The following CTNNA3 variants were observed in gnomAD, a reference collection of about 807,000 sequenced individuals.
CTNNA3 encodes catenin alpha-3.
A neutral mutation model predicts 95.7 loss-of-function variants in CTNNA3; 76 were observed. The observed-to-expected ratio is 0.79, with a 90% confidence interval of 0.66 to 0.96. The LOEUF is 0.96. Among genes scored for constraint, CTNNA3 ranks in the 40% least tolerant of loss-of-function variants. CTNNA3 has a pLI of 0.00. For synonymous variants in CTNNA3, 431 were observed against 374.4 expected, an observed-to-expected ratio of 1.15 and a Z score of -1.74; for missense variants, 1,191 against 1,089.8, an observed-to-expected ratio of 1.09 and a Z score of -1.31.
chr10:66,569,944 G>A (rs1842818442), intron 10 of CTNNA3, among the ~76,000 whole-genome samples: 1 of 152,104 alleles, frequency 6.6e-6, no homozygotes, highest in Non-Finnish European at 1.5e-5. Flanking sequence ...TTCTTTTGAA[G>A]GGCAATACTA....
intron 15 of CTNNA3, among the ~76,000 whole-genome samples, chr10:66,000,424 G>A (rs561582963): frequency 6.6e-6 from 1 of 152,266 alleles, no homozygotes; most frequent in East Asian, 1.9e-4. Flanking sequence ...TGTTTTCATA[G>A]AGTCATTTTG....
At chr10:67,377,651 CATATA>C (rs900960466) in intron 5 of CTNNA3, among the ~76,000 whole-genome samples, 1 of 151,946 alleles carries the variant, frequency 6.6e-6, no homozygotes, top group African/African-American at 2.4e-5. Flanking sequence ...TTTTCATTGA[CATATA>C]ATAATTATAT....
At chr10:67,749,292 C>T (rs1451623756) in intron 1 of CTNNA3, among the ~76,000 whole-genome samples, 3 of 152,200 alleles carry the variant, frequency 2.0e-5, no homozygotes, top group Admixed American at 6.5e-5. Context: ...AACTTGAACT[C>T]AGCTCTGGAT....
intron 13 of CTNNA3, among the ~76,000 whole-genome samples, chr10:66,165,949 G>A (rs2085104783): frequency 6.6e-6 from 1 of 151,718 alleles, no homozygotes; most frequent in Non-Finnish European, 1.5e-5. Context: ...TGTATTTTCA[G>A]TAGAGATGGG....
chr10:66,131,600 T>A (rs1408141659), intron 13 of CTNNA3, among the ~76,000 whole-genome samples: 1 of 152,058 alleles, frequency 6.6e-6, no homozygotes, highest in Admixed American at 6.5e-5. Context: ...AAGGCAATTA[T>A]AAACAAAAAG....
At chr10:66,596,556 T>C (rs1843721481) in intron 10 of CTNNA3, among the ~76,000 whole-genome samples, 1 of 152,074 alleles carries the variant, frequency 6.6e-6, no homozygotes. Context: ...CTTTGCATGA[T>C]CAAGAGAATA....
rs562509907 is a variant in CTNNA3, at chr10:66,862,692, G to A, written c.1048-87168C>T. On this transcript the variant is annotated intron_variant, in intron 7 of 17. Transcript: ENST00000433211. ...AGGACAGTAGTAAAAGATGAAATTC[G>A]AGAAGTTTGGAGCTGACATGGTTAA... Among the ~76,000 whole-genome samples, 175 of 152,316 alleles carry A rather than the reference G, an allele frequency of 1.1e-3. 2 individuals are homozygous for A. Among genetic ancestry groups the A allele is most frequent in the Middle Eastern group, 0.01 (3 of 294 alleles).
chr10:66,473,037 C>G (rs1839191226), intron 11 of CTNNA3, among the ~76,000 whole-genome samples: 1 of 152,020 alleles, frequency 6.6e-6, no homozygotes, highest in Admixed American at 6.6e-5. Context: ...ATTTAATTAA[C>G]ATACAAATTG....
chr10:67,149,315 G>C (rs1219851361), intron 7 of CTNNA3, among the ~76,000 whole-genome samples: 5 of 152,190 alleles, frequency 3.3e-5, no homozygotes, highest in African/African-American at 9.7e-5. Context: ...GCCGGGTGCA[G>C]TGGCTCACGG....
chr10:67,249,642 C>T (rs183589065), intron 5 of CTNNA3, among the ~76,000 whole-genome samples: 1 of 152,186 alleles, frequency 6.6e-6, no homozygotes, highest in African/African-American at 2.4e-5. Context: ...GTGAGCCACA[C>T]ATACATTTAA....
intron 5 of CTNNA3, among the ~76,000 whole-genome samples, chr10:67,410,299 A>G (rs748411755): frequency 1.3e-4 from 20 of 152,108 alleles, no homozygotes; most frequent in Non-Finnish European, 2.4e-4. Context: ...TGGGAGCTAA[A>G]TGATAATAAC....
At chr10:67,314,503 A>T (rs1411936924) in intron 5 of CTNNA3, among the ~76,000 whole-genome samples, 1 of 152,226 alleles carries the variant, frequency 6.6e-6, no homozygotes, top group East Asian at 1.9e-4. Context: ...AAAATAATAC[A>T]AGTAAATTGT....
chr10:67,238,950 G>A (rs1405998263), intron 5 of CTNNA3, among the ~76,000 whole-genome samples: 1 of 152,064 alleles, frequency 6.6e-6, no homozygotes, highest in African/African-American at 2.4e-5. Context: ...AATTAAGCCA[G>A]AGGAAGTCAA....
intron 5 of CTNNA3, among the ~76,000 whole-genome samples, chr10:67,343,888 G>A (rs578183332): frequency 6.7e-6 from 1 of 149,226 alleles, no homozygotes; most frequent in African/African-American, 2.4e-5. Flanking sequence ...TCCCCAGCTA[G>A]TATAACACTA....
intron 13 of CTNNA3, among the ~76,000 whole-genome samples, chr10:66,121,755 C>T (rs866111910): frequency 4.6e-5 from 7 of 152,032 alleles, no homozygotes; most frequent in African/African-American, 1.2e-4. Flanking sequence ...TTGGATAGAT[C>T]GCTTGAGCCC....
In CTNNA3 at chr10:66,219,435, T is replaced by C. The variant is rs183778909; in HGVS notation, c.1884+61035A>G. On this transcript the variant is annotated intron_variant, in intron 13 of 17. Transcript: ENST00000433211. The stretch of plus-strand genomic sequence containing the variant: ...GACCAATAGAATATGACTGAAGTAA[T>C]AGTATAGTGTGTCACTGCTGAGATT... Among the ~76,000 whole-genome samples, 6 of 152,222 alleles carry C rather than the reference T, an allele frequency of 3.9e-5. No individual in the cohort carries two copies. The East Asian group carries it at 1.2e-3, about 29-fold the overall frequency.
At chr10:66,655,867 C>T (rs1305091300) in intron 9 of CTNNA3, among the ~76,000 whole-genome samples, 1 of 151,990 alleles carries the variant, frequency 6.6e-6, no homozygotes, top group Non-Finnish European at 1.5e-5. Context: ...AAAGTATATA[C>T]AAGTATTAAG....
chr10:66,454,049 G>A (rs143745178), intron 11 of CTNNA3, among the ~76,000 whole-genome samples: 12 of 127,110 alleles, frequency 9.4e-5, no homozygotes, highest in African/African-American at 3.4e-4. Context: ...GTAGGTCAGC[G>A]TGATGAGTTG....
At chr10:67,752,911 GA>G (rs1841414877) in intron 1 of CTNNA3, among the ~76,000 whole-genome samples, 1 of 152,046 alleles carries the variant, frequency 6.6e-6, no homozygotes, top group Non-Finnish European at 1.5e-5. Context: ...GTAATTTACA[GA>G]TTTAATGCTA....
Sources: allele counts gnomAD v4.1 joint callset (sites outside exome capture counted in the v4.1 genomes callset), GRCh38; gene constraint gnomAD v4.1.1; transcripts MANE v1.5; gene names NCBI Gene and HGNC (gene_info 2026-07-23, HGNC 2026-07-21).